The following USP32 variants were observed in gnomAD, a reference collection of about 807,000 sequenced individuals.
USP32 encodes the protein ubiquitin specific peptidase 32.
In USP32, 59 loss-of-function variants were observed where a neutral mutation model predicts 204.8. The ratio of observed to expected loss-of-function variants is 0.29; its 90% CI spans 0.23 to 0.36. The LOEUF (loss-of-function observed/expected upper bound fraction) is 0.36. Ranked by LOEUF, USP32 falls within the 10% of genes least tolerant of loss-of-function variation. The pLI is 1.00. For missense variants in USP32, 1,160 were observed against 1,946.4 expected, an observed-to-expected ratio of 0.60 and a Z score of 7.60; for synonymous variants, 517 against 678.4, an observed-to-expected ratio of 0.76 and a Z score of 3.70.
In USP32 at chr17:60,336,442, G is replaced by A. The variant is rs964847666; in HGVS notation, c.186+9039C>T. On this transcript the variant is annotated intron_variant, in intron 2 of 33. Transcript: ENST00000300896. ...ACAAAAAGAAATGAATTGGCCGGGC[G>A]CGGTGGCTCACGCCTGTAATCCCAG... 1.2e-4 allele frequency among the ~76,000 whole-genome samples: 17 copies of A among 142,934 alleles called. 3 individuals are homozygous for A. Among genetic ancestry groups the A allele is most frequent in the African/African-American group, 4.2e-4 (14 of 33,388 alleles). 93.8% of individuals were successfully genotyped at this position (142,934 alleles called of 152,430 possible).
chr17:60,252,839 C>T (rs974150838), intron 10 of USP32, among the ~76,000 whole-genome samples: 2 of 152,132 alleles, frequency 1.3e-5, no homozygotes, highest in African/African-American at 4.8e-5. Context: ...AATATTGTAT[C>T]ATTAACCTAA....
chr17:60,212,953 A>G (rs2085010188), intron 18 of USP32, among the ~76,000 whole-genome samples: 2 of 152,090 alleles, frequency 1.3e-5, no homozygotes, highest in Admixed American at 1.3e-4. Flanking sequence ...AGATTTCACC[A>G]TGTTGTCCAG....
chr17:60,259,776 T>A (rs2086408666), intron 9 of USP32, among the ~76,000 whole-genome samples: 1 of 152,336 alleles, frequency 6.6e-6, no homozygotes, highest in Admixed American at 6.5e-5. Flanking sequence ...CTGCTGTCAC[T>A]CACTAATTCA....
At chr17:60,404,427 A>C (rs1002946160) in intron 1 of USP32, among the ~76,000 whole-genome samples, 1 of 152,156 alleles carries the variant, frequency 6.6e-6, no homozygotes, top group Non-Finnish European at 1.5e-5. Context: ...TGATATTTTT[A>C]ATTCCAGGGC....
chr17:60,313,381 A>G (rs2087900225), intron 2 of USP32, among the ~76,000 whole-genome samples: 1 of 152,168 alleles, frequency 6.6e-6, no homozygotes, highest in Non-Finnish European at 1.5e-5. Context: ...GCAGAGTCCA[A>G]TAGAACAAAA....
chr17:60,186,133 A>C (rs1275030568), intron 29 of USP32, among the ~76,000 whole-genome samples: 2 of 152,228 alleles, frequency 1.3e-5, no homozygotes, highest in East Asian at 3.8e-4. Context: ...CAAATGTTAC[A>C]TCGGTAACAT....
intron 30 of USP32, among the ~76,000 whole-genome samples, chr17:60,184,809 C>CAAAAAA (rs35566339): frequency 2.5e-5 from 2 of 78,502 alleles, no homozygotes; most frequent in African/African-American, 3.5e-5. Context: ...GACCCTGTCT[C>CAAAAAA]AAAAAAAAAA....
rs117074095 is a variant in USP32 at position 60,328,127 on chromosome 17, T to C, written c.186+17354A>G. ...TGAAGGCTGGGGGCCAGGCTGCTAG[T>C]CCTGTGGACTGGAGTGGGAACTTGT... On this transcript the variant is annotated intron_variant, in intron 2 of 33. Transcript: ENST00000300896. Among the ~76,000 whole-genome samples the C allele has an allele frequency of 3.5e-3, 540 of 152,286 alleles. 6 individuals are homozygous for C. In the East Asian group the frequency reaches 0.052, roughly 15 times the overall value.
chr17:60,354,438 T>A (rs536539154), intron 1 of USP32, among the ~76,000 whole-genome samples: 1 of 152,108 alleles, frequency 6.6e-6, no homozygotes, highest in African/African-American at 2.4e-5. Context: ...TAAATAAACA[T>A]TGGGAAATAT....
At chr17:60,420,097 G>T (rs1464678115) in intron 1 of USP32, among the ~76,000 whole-genome samples, 4 of 147,464 alleles carry the variant, frequency 2.7e-5, no homozygotes, top group Non-Finnish European at 6.0e-5. Flanking sequence ...TATTTTATTT[G>T]TTTTGTTTTA....
chr17:60,297,009 G>A (rs1047899770), intron 3 of USP32, among the ~76,000 whole-genome samples: 2 of 152,064 alleles, frequency 1.3e-5, no homozygotes, highest in East Asian at 3.9e-4. Flanking sequence ...ATAAAGATCA[G>A]AAGACTGACA....
At chr17:60,231,627 A>T (rs772105733) in intron 12 of USP32, 8 of 516,296 alleles carry the variant, frequency 1.5e-5, no homozygotes, top group Non-Finnish European at 3.1e-5. Flanking sequence ...GGACCCCCCA[A>T]AGCCCATGGG....
chr17:60,370,764 CAAA>C (rs112650493), intron 1 of USP32, among the ~76,000 whole-genome samples: 5 of 72,706 alleles, frequency 6.9e-5, no homozygotes, highest in Admixed American at 1.5e-4. Context: ...GCTACTGTCT[CAAA>C]AAAAAAAAAA....
intron 1 of USP32, among the ~76,000 whole-genome samples, chr17:60,346,443 T>G (rs1348837949): frequency 6.6e-6 from 1 of 152,230 alleles, no homozygotes; most frequent in Non-Finnish European, 1.5e-5. Context: ...CTTGAGCACA[T>G]CTCTATCCAT....
intron 3 of USP32, 104 bp from the exon 4 acceptor site, chr17:60,294,905 G>A (rs976469460): frequency 8.0e-5 from 53 of 659,342 alleles, no homozygotes; most frequent in African/African-American, 7.5e-4. Context: ...GTGATTACTA[G>A]GGCCAAGCAC....
At chr17:60,378,644 G>A (rs1353072773) in intron 1 of USP32, among the ~76,000 whole-genome samples, 5 of 152,038 alleles carry the variant, frequency 3.3e-5, no homozygotes, top group African/African-American at 1.2e-4. Context: ...ACTACAACAT[G>A]GATAAACCTT....
intron 1 of USP32, among the ~76,000 whole-genome samples, chr17:60,385,574 G>T (rs995372879): frequency 6.6e-6 from 1 of 151,806 alleles, no homozygotes; most frequent in Non-Finnish European, 1.5e-5. Context: ...AGAAGCAGTG[G>T]CTCACGCCTA....
At chr17:60,202,450 CACA>C (rs1479123481) in intron 26 of USP32, among the ~76,000 whole-genome samples, 1 of 149,058 alleles carries the variant, frequency 6.7e-6, no homozygotes, top group African/African-American at 2.5e-5. Context: ...AAATCACACA[CACA>C]CACACACACA....
At chr17:60,209,696 A>C (rs2084910588) in intron 21 of USP32, among the ~76,000 whole-genome samples, 153 bp from the exon 22 acceptor site, 1 of 152,054 alleles carries the variant, frequency 6.6e-6, no homozygotes, top group South Asian at 2.1e-4. Flanking sequence ...GATAATCATG[A>C]AATCTTTTGA....
Sources: gnomAD v4.1 joint callset for allele counts (sites outside exome capture counted in the v4.1 genomes callset) on GRCh38, gnomAD v4.1.1 for gene constraint, MANE v1.5 for transcripts, NCBI Gene and HGNC (gene_info 2026-07-23, HGNC 2026-07-21) for gene names.